RICTOR: variants seen among roughly 807,000 people sequenced by gnomAD.
RICTOR encodes rapamycin-insensitive companion of mTOR.
A neutral mutation model predicts 214.9 loss-of-function variants in RICTOR; 49 were observed. The ratio of observed to expected loss-of-function variants is 0.23; its 90% CI spans 0.18 to 0.29. The LOEUF is 0.29. Among genes scored for constraint, RICTOR ranks in the 10% least tolerant of loss-of-function variants. The pLI is 1.00. For missense variants in RICTOR, 1,625 were observed against 2,047.0 expected (o/e 0.79, Z 3.98); for synonymous variants, 717 against 711.3 (o/e 1.01, Z -0.13).
intron 8 of RICTOR, among the ~76,000 whole-genome samples, chr5:38,979,882 T>C (rs1050604067): frequency 3.3e-5 from 5 of 152,250 alleles, no homozygotes; most frequent in African/African-American, 1.2e-4. Flanking sequence ...CTCCAAAGAC[T>C]GCAATTACGT....
Position 39,017,746 on chromosome 5 carries a change from CCTT to C in RICTOR, c.195+3290_195+3292del, listed in dbSNP as rs368598525. ...TTACATAGTGACTATATTCTCATCCCCTTCTATTTCTATGAAATAAAAATCAAA... is the reference window on the plus strand; with the variant it reads ...TTACATAGTGACTATATTCTCATCCCCTATTTCTATGAAATAAAAATCAAA... On this transcript the variant is annotated intron_variant, in intron 3 of 37. Coordinates refer to ENST00000357387, the MANE Select transcript of RICTOR (RefSeq NM_152756.5). 5.7e-3 allele frequency among the ~76,000 whole-genome samples: 860 copies of C among 152,208 alleles called. 8 individuals are homozygous for C. The highest frequency in any genetic ancestry group is 0.02 in the African/African-American group (823 of 41,536).
chr5:38,942,914 G>T lies in RICTOR; in HGVS notation c.4971C>A (p.Ser1657=). The T allele has an allele frequency of 6.2e-7, 1 of 1,607,188 alleles. No homozygotes were observed. ...TGAATGTGCAGTGTGACAGCAAATG[G>T]GAAACCTCAGAGTAAAGGCATATGT... The part of the protein sequence containing the change: ...FDDICLYSEV[S]HLLSHCTFRL... Residue 1657 remains serine, a synonymous_variant, in exon 37 of 38, where the codon TCC becomes TCA. Transcript: ENST00000357387.
intron 19 of RICTOR, among the ~76,000 whole-genome samples, chr5:38,961,445 T>C (rs894480363): frequency 1.3e-5 from 2 of 152,186 alleles, no homozygotes; most frequent in Non-Finnish European, 2.9e-5. Flanking sequence ...TTTAGGCCAA[T>C]GAATTTATAG....
Position 39,002,660 on chromosome 5 carries a change from C to G in RICTOR, c.267G>C (p.Arg89=), listed in dbSNP as rs1465960782. The change falls in exon 5 of 38, where the codon CGG becomes CGC. Residue 89 remains arginine, a synonymous_variant. Transcript: ENST00000357387. ...CTTTTGCTTCATTTAATAAAGCTAA[C>G]CGCAAACTGTATGAAAACAAACAAA... ...FHYEDIIICL[R]LALLNEAKEV... is the part of the protein sequence containing the mutation. 30 of 1,602,402 alleles carry G rather than the reference C, an allele frequency of 1.9e-5. No homozygotes were observed. The highest frequency in any genetic ancestry group is 2.3e-5 in the Non-Finnish European group (27 of 1,176,408).
intron 3 of RICTOR, among the ~76,000 whole-genome samples, chr5:39,006,509 T>C (rs1404113992): frequency 6.6e-6 from 1 of 151,946 alleles, no homozygotes; most frequent in Non-Finnish European, 1.5e-5. Context: ...TTTCTCAGTA[T>C]GAAGTTATAA....
intron 2 of RICTOR, among the ~76,000 whole-genome samples, chr5:39,069,609 T>TA (rs1254185181): frequency 6.6e-6 from 1 of 152,196 alleles, no homozygotes; most frequent in Non-Finnish European, 1.5e-5. Context: ...ATTCACTGCA[T>TA]AGAGTGGGGG....
chr5:39,048,449 T>C (rs971868714), intron 2 of RICTOR, among the ~76,000 whole-genome samples: 1 of 152,200 alleles, frequency 6.6e-6, no homozygotes, highest in East Asian at 1.9e-4. Context: ...AAGTATGGAA[T>C]TTTGTTATCT....
intron 3 of RICTOR, among the ~76,000 whole-genome samples, chr5:39,006,275 A>G (rs1375278004): frequency 6.6e-6 from 1 of 152,188 alleles, no homozygotes; most frequent in Non-Finnish European, 1.5e-5. Context: ...AGGTTTTCCT[A>G]GTTTTCATTG....
At chr5:39,034,973 C>T (rs549065901) in intron 2 of RICTOR, among the ~76,000 whole-genome samples, 2 of 152,354 alleles carry the variant, frequency 1.3e-5, no homozygotes, top group East Asian at 3.9e-4. Flanking sequence ...AGCAGTGGTT[C>T]TCCCAGCACG....
intron 16 of RICTOR, 91 bp downstream of exon 16, chr5:38,964,701 T>G: frequency 1.7e-6 from 1 of 592,370 alleles, no homozygotes. Flanking sequence ...CCATAACCTA[T>G]CCATACTATT....
At chr5:39,074,030 C>A in intron 2 of RICTOR, 81 bp downstream of exon 2, 5 of 1,074,288 alleles carry the variant, frequency 4.7e-6, no homozygotes, top group Non-Finnish European at 6.2e-6. Flanking sequence ...GCGGGGCCCG[C>A]CCCTGCCTCT....
In RICTOR at chr5:38,940,084, T is replaced by C. The variant is rs1197897244; in HGVS notation, c.*2220A>G. The C allele has an allele frequency of 1.4e-5, 3 of 207,782 alleles. No individual in the cohort carries two copies. Among genetic ancestry groups the C allele is most frequent in the African/African-American group, 7.6e-5 (3 of 39,362 alleles). 12.9% of individuals were successfully genotyped at this position (207,782 alleles called of 1,614,324 possible). A position where few individuals can be genotyped will look rare whatever the true frequency, so the allele number is the denominator to read the frequency against. On this transcript the variant is annotated 3_prime_UTR_variant, in exon 38 of 38. Transcript: ENST00000357387. Reference sequence around the variant, plus strand: ...GAGTATCTCCCCAAAGTAAGTGATATAGGCAGATATGATAAGGTATACATA... The same window carrying C: ...GAGTATCTCCCCAAAGTAAGTGATACAGGCAGATATGATAAGGTATACATA...
chr5:38,975,657 T>C (rs1442370772), intron 9 of RICTOR, 53 bp from the exon 10 acceptor site: 25 of 1,413,508 alleles, frequency 1.8e-5, no homozygotes, highest in Non-Finnish European at 2.5e-5. Flanking sequence ...AATGTTAAAA[T>C]GAGTTTTTTC....
At chr5:38,994,470 A>C (rs1157411699) in intron 6 of RICTOR, among the ~76,000 whole-genome samples, 1 of 146,410 alleles carries the variant, frequency 6.8e-6, no homozygotes, top group African/African-American at 2.5e-5. Context: ...AGATGCCAAA[A>C]GCACTAATGA....
intron 2 of RICTOR, among the ~76,000 whole-genome samples, chr5:39,038,722 T>A (rs1756932175): frequency 6.6e-6 from 1 of 152,244 alleles, no homozygotes; most frequent in African/African-American, 2.4e-5. Flanking sequence ...CACAATTGCT[T>A]CAAAGAGAAT....
At chr5:39,010,813 C>A (rs1754448607) in intron 3 of RICTOR, among the ~76,000 whole-genome samples, 1 of 152,246 alleles carries the variant, frequency 6.6e-6, no homozygotes, top group East Asian at 1.9e-4. Flanking sequence ...GACTTGGGTG[C>A]TCTTTAAAAC....
intron 7 of RICTOR, among the ~76,000 whole-genome samples, chr5:38,986,153 C>T (rs958241479): frequency 1.5e-4 from 23 of 152,004 alleles, no homozygotes; most frequent in African/African-American, 5.1e-4. Context: ...AATTATGGGG[C>T]GGTTTTCTCC....
chr5:39,056,954 A>G (rs946588445), intron 2 of RICTOR, among the ~76,000 whole-genome samples: 3 of 152,204 alleles, frequency 2.0e-5, no homozygotes, highest in Non-Finnish European at 4.4e-5. Flanking sequence ...GATTACAATG[A>G]CAGTATTGCA....
chr5:39,070,723 G>T (rs1759259738), intron 2 of RICTOR, among the ~76,000 whole-genome samples: 1 of 152,096 alleles, frequency 6.6e-6, no homozygotes. Flanking sequence ...ATACCAGGAG[G>T]GGTTTACCCA....
Sources: allele counts gnomAD v4.1 joint callset (sites outside exome capture counted in the v4.1 genomes callset), GRCh38; gene constraint gnomAD v4.1.1; transcripts MANE v1.5; gene names NCBI Gene and HGNC (gene_info 2026-07-23, HGNC 2026-07-21).